RAD51B: variants seen among roughly 807,000 people sequenced by gnomAD.
RAD51B encodes RAD51 paralog B, also known as DNA repair protein RAD51 homolog 2.
In RAD51B, 38 loss-of-function variants were observed where a neutral mutation model predicts 42.2. The observed-to-expected ratio is 0.90, with a 90% confidence interval of 0.70 to 1.18. RAD51B has a LOEUF of 1.18. Among genes scored for constraint, RAD51B ranks in the 50% most tolerant of loss-of-function variants. The pLI, the probability that RAD51B is intolerant of heterozygous loss-of-function variation, is 0.00. For missense variants in RAD51B, 373 were observed against 400.7 expected (o/e 0.93, Z 0.59); for synonymous variants, 154 against 145.2 (o/e 1.06, Z -0.43).
At chr14:68,180,578 C>T (rs754567583) in intron 7 of RAD51B, among the ~76,000 whole-genome samples, 1 of 152,102 alleles carries the variant, frequency 6.6e-6, no homozygotes, top group Non-Finnish European at 1.5e-5. Context: ...TCGTCATTAT[C>T]GCCACTTTAC....
intron 7 of RAD51B, among the ~76,000 whole-genome samples, chr14:67,969,098 A>G (rs901989252): frequency 6.6e-6 from 1 of 152,196 alleles, no homozygotes; most frequent in Non-Finnish European, 1.5e-5. Flanking sequence ...TATCACGAGA[A>G]CAGTATGGGG....
intron 7 of RAD51B, among the ~76,000 whole-genome samples, chr14:68,072,135 T>TTA (rs1216166647): frequency 1.5e-5 from 2 of 131,074 alleles, no homozygotes; most frequent in Non-Finnish European, 3.2e-5. Flanking sequence ...ATATATATAA[T>TTA]TATATATATA....
chr14:68,294,866 T>C (rs1031762574), intron 8 of RAD51B, among the ~76,000 whole-genome samples: 5 of 152,226 alleles, frequency 3.3e-5, no homozygotes, highest in African/African-American at 1.2e-4. Context: ...CTGGGGACAC[T>C]TCTGGTCTTG....
chr14:68,592,164 G>A (rs1421572780), intron 10 of RAD51B, among the ~76,000 whole-genome samples: 6 of 152,026 alleles, frequency 3.9e-5, no homozygotes, highest in Admixed American at 2.6e-4. Flanking sequence ...CCCCTCCCCC[G>A]CAGCTAGGGC....
chr14:68,617,703 A>C (rs1019578601), intron 10 of RAD51B, among the ~76,000 whole-genome samples: 1 of 152,238 alleles, frequency 6.6e-6, no homozygotes, highest in African/African-American at 2.4e-5. Flanking sequence ...AGAAACTGTC[A>C]TGATCATTTA....
chr14:68,226,134 C>A lies in RAD51B; in HGVS notation c.757-65750C>A, dbSNP rs140515393. ...GTGATATGGAGAAAAGGGCTCCAGG[C>A]TGAGAGGCAAGGGAACTTGATTGCT... is the stretch of plus-strand genomic sequence containing the variant. On this transcript the variant is annotated intron_variant, in intron 7 of 10. Transcript: ENST00000471583. Among the ~76,000 whole-genome samples, 604 of 152,274 alleles carry A rather than the reference C, an allele frequency of 4.0e-3. 6 individuals carry two copies. The highest frequency in any genetic ancestry group is 0.014 in the African/African-American group (579 of 41,544).
Position 68,181,883 on chromosome 14 carries a change from C to T in RAD51B, c.757-110001C>T, listed in dbSNP as rs1040528658. Among the ~76,000 whole-genome samples the T allele has an allele frequency of 2.6e-5, 4 of 152,206 alleles. 1 individual carries two copies. Among genetic ancestry groups the T allele is most frequent in the Admixed American group, 2.6e-4 (4 of 15,282 alleles). On this transcript the variant is annotated intron_variant, in intron 7 of 10. Coordinates refer to ENST00000471583, the MANE Select transcript of RAD51B (RefSeq NM_133510.4). ...GGAAAAACTCTGAGTAAAAGTCAGG[C>T]ATCCTGTTTTCCAATCTTATATGCC...
chr14:68,586,016 C>T (rs1890450377), intron 10 of RAD51B, among the ~76,000 whole-genome samples: 1 of 152,156 alleles, frequency 6.6e-6, no homozygotes. Context: ...CGGCACGTTA[C>T]GCTTTGCGTT....
intron 7 of RAD51B, among the ~76,000 whole-genome samples, chr14:68,023,877 GTTGTTGCATTTGCT>G (rs1595274384): frequency 1.3e-5 from 2 of 152,168 alleles, no homozygotes; most frequent in East Asian, 3.9e-4. Flanking sequence ...TTTTGTTGTT[GTTGTTGCATTTGCT>G]TTTGGGGGCT....
At chr14:68,572,319 C>T (rs966762337) in intron 10 of RAD51B, among the ~76,000 whole-genome samples, 1 of 152,260 alleles carries the variant, frequency 6.6e-6, no homozygotes, top group African/African-American at 2.4e-5. Flanking sequence ...TGGGCCCTGC[C>T]CAGCTGCCTC....
rs567532822 is a variant in RAD51B at position 68,463,021 on chromosome 14, A to G, written c.958-5151A>G. On this transcript the variant is annotated intron_variant, in intron 9 of 10. Coordinates refer to ENST00000471583, the MANE Select transcript of RAD51B (RefSeq NM_133510.4). ...TCACTAGGGCCCTGTTGTTTTATTA[A>G]GTACCTAGGCCTCCCTGCAGGGCAC... Among the ~76,000 whole-genome samples, 8 of 152,278 alleles carry G rather than the reference A, an allele frequency of 5.3e-5. No homozygotes were observed. The East Asian group carries it at 1.5e-3, about 29-fold the overall frequency.
chr14:68,080,081 C>A (rs1040340652), intron 7 of RAD51B, among the ~76,000 whole-genome samples: 1 of 152,162 alleles, frequency 6.6e-6, no homozygotes, highest in African/African-American at 2.4e-5. Context: ...AGTATGACAT[C>A]AGGACACTTA....
At chr14:68,250,611 A>T in intron 7 of RAD51B, among the ~76,000 whole-genome samples, 1 of 152,362 alleles carries the variant, frequency 6.6e-6, no homozygotes, top group East Asian at 1.9e-4. Flanking sequence ...CATATCCAAA[A>T]TAGGTAAAAT....
chr14:68,350,738 C>T (rs890230610), intron 8 of RAD51B, among the ~76,000 whole-genome samples: 4 of 152,226 alleles, frequency 2.6e-5, no homozygotes, highest in Non-Finnish European at 4.4e-5. Flanking sequence ...CCCAGGATAT[C>T]TAACTCCCTC....
chr14:67,939,336 A>G (rs577561564), intron 7 of RAD51B, among the ~76,000 whole-genome samples: 5 of 152,330 alleles, frequency 3.3e-5, no homozygotes, highest in African/African-American at 1.2e-4. Context: ...GAGCTTTAAA[A>G]AGGTGGAAGC....
chr14:68,469,785 CA>C (rs2086075861), intron 10 of RAD51B, among the ~76,000 whole-genome samples: 1 of 152,154 alleles, frequency 6.6e-6, no homozygotes, highest in Non-Finnish European at 1.5e-5. Flanking sequence ...TGGAAGATTA[CA>C]AGACAATTTC....
intron 8 of RAD51B, among the ~76,000 whole-genome samples, chr14:68,388,915 A>T (rs1208725149): frequency 1.3e-5 from 2 of 152,168 alleles, no homozygotes; most frequent in Non-Finnish European, 2.9e-5. Context: ...ATGGCAAACG[A>T]TGTTGTTATT....
chr14:67,922,156 C>G (rs2044347174), intron 7 of RAD51B, among the ~76,000 whole-genome samples: 1 of 152,116 alleles, frequency 6.6e-6, no homozygotes, highest in African/African-American at 2.4e-5. Flanking sequence ...AATGAATGAC[C>G]CTTCGTGGTG....
chr14:68,167,614 G>T (rs1365903790), intron 7 of RAD51B, among the ~76,000 whole-genome samples: 1 of 152,050 alleles, frequency 6.6e-6, no homozygotes, highest in Non-Finnish European at 1.5e-5. Context: ...CCTTTTCAGT[G>T]TTGCATGGAA....
Sources: allele counts gnomAD v4.1 joint callset (sites outside exome capture counted in the v4.1 genomes callset), GRCh38; gene constraint gnomAD v4.1.1; transcripts MANE v1.5; gene names NCBI Gene and HGNC (gene_info 2026-07-23, HGNC 2026-07-21).